Variants in THBS3 observed in about 807,000 individuals in gnomAD.
THBS3 encodes the protein thrombospondin-3.
A neutral mutation model predicts 118.3 loss-of-function variants in THBS3; 78 were observed. That is an observed-to-expected ratio of 0.66 (90% CI 0.55 to 0.80). THBS3 has a LOEUF of 0.80. Ranked by LOEUF, THBS3 falls within the 30% of genes least tolerant of loss-of-function variation. The pLI is 0.00. For synonymous variants in THBS3, 427 were observed against 475.3 expected (o/e 0.90, Z 1.32); for missense variants, 1,057 against 1,247.4 (o/e 0.85, Z 2.30).
At chr1:155,200,325 A>T in intron 14 of THBS3, 126 bp downstream of exon 14, 1 of 1,288,694 alleles carries the variant, frequency 7.8e-7, no homozygotes, top group Non-Finnish European at 1.1e-6. Context: ...ATCTCTCCTC[A>T]CCCAGGCCAA....
At position 155,200,630 on chromosome 1, in the gene THBS3, G is replaced by C; in HGVS notation, c.1549-20C>G. On this transcript the variant is annotated intron_variant, in intron 13 of 22. Transcript: ENST00000368378. The stretch of plus-strand genomic sequence containing the variant: ...GTTGTCCTGGGCAGAGGGGTGGGAG[G>C]GGAAGGGTCAGGTCTCCCCTAAATC... The C allele has an allele frequency of 6.2e-7, 1 of 1,612,572 alleles. No homozygotes were observed. Among genetic ancestry groups the C allele is most frequent in the South Asian group, 1.1e-5 (1 of 90,916 alleles).
intron 16 of THBS3, 96 bp downstream of exon 16, chr1:155,199,708 T>C: frequency 7.4e-7 from 1 of 1,350,924 alleles, no homozygotes; most frequent in Non-Finnish European, 1.0e-6. Context: ...TGAGCCAAGA[T>C]CGTGCCACTG....
rs543072269 is a variant in THBS3 at position 155,205,475 on chromosome 1, T to C, written c.287-159A>G. ...TTGTATTTAATAGGTACACAATAAA[T>C]GTTTTTGAAATTGCTTTAGAGGCCA... On this transcript the variant is annotated intron_variant, in intron 2 of 22. Coordinates refer to ENST00000368378, the MANE Select transcript of THBS3 (RefSeq NM_007112.5). 3.8e-5 allele frequency: 41 copies of C among 1,078,562 alleles called. No individual in the cohort carries two copies. The East Asian group carries it at 8.4e-4, about 22-fold the overall frequency. The allele number at this position is 1,078,562 out of a possible 1,614,324, so 66.8% of individuals were successfully genotyped here.
chr1:155,202,726 G>T lies in THBS3; in HGVS notation c.957+86C>A. 6.6e-7 allele frequency: 1 copy of T among 1,517,328 alleles called. No homozygotes were observed. The highest frequency in any genetic ancestry group is 1.3e-5 in the South Asian group (1 of 76,788). The allele number at this position is 1,517,328 out of a possible 1,614,324, so 94.0% of individuals were successfully genotyped here. A position where few individuals can be genotyped will look rare whatever the true frequency, so the allele number is the denominator to read the frequency against. ...CTAAACTCCAGATTCCTCTCCTCCG[G>T]ACCAGCATTTATCCCACCCTCTTGG... On this transcript the variant is annotated intron_variant, in intron 8 of 22. Transcript: ENST00000368378. The surrounding 1 kb of genome is among the most constrained non-coding windows in gnomAD (Gnocchi z 5.5).
Position 155,199,013 on chromosome 1 carries a change from G to A in THBS3, c.1881-411C>T, listed in dbSNP as rs778958545. 4.6e-5 allele frequency among the ~76,000 whole-genome samples: 7 copies of A among 152,052 alleles called. No homozygotes were observed. The South Asian group carries it at 6.2e-4, about 13-fold the overall frequency. On this transcript the variant is annotated intron_variant, in intron 16 of 22. Transcript: ENST00000368378. Reference sequence around the variant, plus strand: ...CACGCGCCTGTAATCCCAGCTACTCGGGAGGCTGAGGCAGGAAAATCGCTT... The same window carrying A: ...CACGCGCCTGTAATCCCAGCTACTCAGGAGGCTGAGGCAGGAAAATCGCTT...
chr1:155,206,121 G>A lies in THBS3; in HGVS notation c.286+79C>T, dbSNP rs1379255223. 2.6e-6 allele frequency: 4 copies of A among 1,530,276 alleles called. No individual in the cohort carries two copies. The East Asian group carries it at 9.0e-5, about 35-fold the overall frequency. The allele number at this position is 1,530,276 out of a possible 1,614,324, so 94.8% of individuals were successfully genotyped here. On this transcript the variant is annotated intron_variant, in intron 2 of 22. Coordinates refer to ENST00000368378, the MANE Select transcript of THBS3 (RefSeq NM_007112.5). The surrounding 1 kb of genome is among the most constrained non-coding windows in gnomAD (Gnocchi z 4.2). Reference sequence around the variant, plus strand: ...CCCTAGTGGAGGCCAAGGAGAATGAGGAAGCACTTGGGAAGTAGGGATGAG... The same window carrying A: ...CCCTAGTGGAGGCCAAGGAGAATGAAGAAGCACTTGGGAAGTAGGGATGAG...
Position 155,198,115 on chromosome 1 carries a change from C to T in THBS3, c.2180G>A (p.Arg727Gln), listed in dbSNP as rs952915991. ...ATCCAGGACGACGGTCTGATAGGCC[C>T]GAAAATCCGTAAGCGTTACCTCTGC... ...ESAEVTLTDF[R>Q]AYQTVVLDPE... is the part of the protein sequence containing the mutation. The change falls in exon 18 of 23, where the codon CGG (arginine) becomes CAG (glutamine). Residue 727 changes from arginine (R) to glutamine (Q), a missense_variant. Around this residue, in one of 3 missense-constraint regions of THBS3, gnomAD observed 307 missense variants for 326.1 expected, o/e 0.94. Transcript: ENST00000368378. 1.2e-5 allele frequency: 20 copies of T among 1,613,974 alleles called. No individual in the cohort carries two copies. The highest frequency in any genetic ancestry group is 3.3e-5 in the Admixed American group (2 of 60,002).
Position 155,197,508 on chromosome 1 carries a change from C to T in THBS3, c.2454G>A (p.Gln818=), listed in dbSNP as rs1668875287. The T allele has an allele frequency of 1.2e-6, 2 of 1,613,946 alleles. No homozygotes were observed. Among genetic ancestry groups the T allele is most frequent in the Non-Finnish European group, 8.5e-7 (1 of 1,180,018 alleles). ...MWKQTEQTYW[Q]ATPFRAVAQP... is the part of the protein sequence containing the mutation. ...GGGCAACCGCCCGGAAGGGTGTAGCCTGCCAGTAGGTCTGCTCGGTCTGCT... is the reference window on the plus strand; with the variant it reads ...GGGCAACCGCCCGGAAGGGTGTAGCTTGCCAGTAGGTCTGCTCGGTCTGCT... Residue 818 remains glutamine, a synonymous_variant, in exon 20 of 23, where the codon CAG becomes CAA. Coordinates refer to ENST00000368378, the MANE Select transcript of THBS3 (RefSeq NM_007112.5). This position sits in a 1 kb window ranked among gnomAD's most constrained non-coding sequence, Gnocchi z 5.0.
At chr1:155,205,549 G>T in intron 2 of THBS3, 1 of 542,090 alleles carries the variant, frequency 1.8e-6, no homozygotes, top group Non-Finnish European at 3.2e-6. Context: ...AGGCCAAGGT[G>T]GGCAGATCAC....
At position 155,202,965 on chromosome 1, in the gene THBS3, G is replaced by T. The variant is rs1458372057; in HGVS notation, c.809-5C>A. ...GGGAACGCTGCTCATGGAAGCCTGA[G>T]GGGTGGACACAGTCAGAGCTACCCG... is the stretch of plus-strand genomic sequence containing the variant. On this transcript the variant is annotated splice_region_variant and splice_polypyrimidine_tract_variant and intron_variant, in intron 7 of 22. Coordinates refer to ENST00000368378, the MANE Select transcript of THBS3 (RefSeq NM_007112.5). The surrounding 1 kb of genome is among the most constrained non-coding windows in gnomAD (Gnocchi z 5.5). 3.7e-6 allele frequency: 6 copies of T among 1,613,802 alleles called. No homozygotes were observed. Among genetic ancestry groups the T allele is most frequent in the Non-Finnish European group, 8.5e-7 (1 of 1,179,964 alleles).
chr1:155,197,527 G>A lies in THBS3; in HGVS notation c.2435C>T (p.Thr812Ile), dbSNP rs756543241. The change falls in exon 20 of 23, where the codon ACC becomes ATC. Residue 812 changes from threonine to isoleucine, a missense_variant. Transcript: ENST00000368378. The surrounding 1 kb of genome is among the most constrained non-coding windows in gnomAD (Gnocchi z 5.0). Reference protein sequence around the residue: ...GRFYVVMWKQTEQTYWQATPF... With the variant: ...GRFYVVMWKQIEQTYWQATPF... ...TGTAGCCTGCCAGTAGGTCTGCTCG[G>A]TCTGCTTCCACATGACTACGTAGAA... is the stretch of plus-strand genomic sequence containing the variant. The A allele has an allele frequency of 8.7e-6, 14 of 1,614,112 alleles. No homozygotes were observed. Among genetic ancestry groups the A allele is most frequent in the South Asian group, 1.1e-5 (1 of 91,076 alleles).
At chr1:155,201,737 T>G in intron 10 of THBS3, 168 bp from the exon 11 acceptor site, 1 of 985,226 alleles carries the variant, frequency 1.0e-6, no homozygotes. Context: ...ACAGCCTCAG[T>G]TTTCAGATGA....
In THBS3 at chr1:155,197,342, G is replaced by A. The variant is rs1440147961; in HGVS notation, c.2499+121C>T. 19 of 1,520,250 alleles carry A rather than the reference G, an allele frequency of 1.2e-5. No homozygotes were observed. The highest frequency in any genetic ancestry group is 2.1e-4 in the Middle Eastern group (1 of 4,852). 94.2% of individuals were successfully genotyped at this position (1,520,250 alleles called of 1,614,324 possible). A position where few individuals can be genotyped will look rare whatever the true frequency, so the allele number is the denominator to read the frequency against. On this transcript the variant is annotated intron_variant, in intron 20 of 22. Coordinates refer to ENST00000368378, the MANE Select transcript of THBS3 (RefSeq NM_007112.5). This position sits in a 1 kb window ranked among gnomAD's most constrained non-coding sequence, Gnocchi z 5.0. ...AAATGCCCTGGGGCCCCAGAGAGCCGGCCTCCAAGCCAGATGTCTGGGTAA... is the reference window on the plus strand; with the variant it reads ...AAATGCCCTGGGGCCCCAGAGAGCCAGCCTCCAAGCCAGATGTCTGGGTAA...
intron 16 of THBS3, among the ~76,000 whole-genome samples, chr1:155,199,528 C>T (rs372974675): frequency 6.6e-6 from 1 of 152,044 alleles, no homozygotes; most frequent in Non-Finnish European, 1.5e-5. Context: ...CAGAGGCTGG[C>T]GGATCACCTG....
chr1:155,206,059 C>T lies in THBS3; in HGVS notation c.286+141G>A. On this transcript the variant is annotated intron_variant, in intron 2 of 22. Coordinates refer to ENST00000368378, the MANE Select transcript of THBS3 (RefSeq NM_007112.5). This position sits in a 1 kb window ranked among gnomAD's most constrained non-coding sequence, Gnocchi z 4.2. ...CCTTATAAGCACCCCATACCAGGTGCCCCTGATGTCTGGGCACAGCCTGAT... is the reference window on the plus strand; with the variant it reads ...CCTTATAAGCACCCCATACCAGGTGTCCCTGATGTCTGGGCACAGCCTGAT... 1.1e-6 allele frequency: 1 copy of T among 915,560 alleles called. No individual in the cohort carries two copies. Among genetic ancestry groups the T allele is most frequent in the Admixed American group, 2.3e-5 (1 of 43,016 alleles). 56.7% of individuals were successfully genotyped at this position (915,560 alleles called of 1,614,324 possible).
In THBS3 at chr1:155,198,455, G is replaced by A. The variant is rs376397992; in HGVS notation, c.2028C>T (p.Pro676=). ...DGIPDYVPPG[P]DNCRLVPNPN... ...GATTGGGTACCAGGCGGCAGTTATC[G>A]GGACCAGGAGGCACATAATCTGGGA... Residue 676 remains proline, a synonymous_variant, in exon 17 of 23, where the codon CCC becomes CCT. Coordinates refer to ENST00000368378, the MANE Select transcript of THBS3 (RefSeq NM_007112.5). The A allele has an allele frequency of 2.9e-5, 47 of 1,614,012 alleles. No individual in the cohort carries two copies. The highest frequency in any genetic ancestry group is 8.8e-5 in the South Asian group (8 of 91,086).
intron 16 of THBS3, among the ~76,000 whole-genome samples, chr1:155,198,891 G>A (rs561434794): frequency 1.3e-5 from 2 of 151,592 alleles, no homozygotes; most frequent in South Asian, 2.1e-4. Flanking sequence ...AGGCCAAGGC[G>A]GGCAGATCAC....
In THBS3 at chr1:155,202,298, G is replaced by T. The variant is rs1162481777; in HGVS notation, c.1061C>A (p.Ser354Tyr). 1 of 1,613,980 alleles carries T rather than the reference G, an allele frequency of 6.2e-7. No homozygotes were observed. Among genetic ancestry groups the T allele is most frequent in the Non-Finnish European group, 8.5e-7 (1 of 1,180,034 alleles). Residue 354 changes from serine to tyrosine, a missense_variant, in exon 9 of 23, where the codon TCT (serine) becomes TAT (tyrosine). Physicochemically the swap from Ser to Tyr is moderately radical, Grantham distance 144 (BLOSUM62 -2). Transcript: ENST00000368378. The surrounding 1 kb of genome is among the most constrained non-coding windows in gnomAD (Gnocchi z 5.5). ...CPRGYKGTQV[S>Y]GVGIDYARAS... ...CCGGGCATAGTCAATGCCCACACCA[G>T]ACACCTGTGTGCCCTTGTACCCTCG...
At chr1:155,208,532 C>G (rs1670867531), upstream of THBS3, among the ~76,000 whole-genome samples, 1 of 152,164 alleles carries the variant, frequency 6.6e-6, no homozygotes, top group South Asian at 2.1e-4. Flanking sequence ...GAAAGGGACA[C>G]CAGGGACAGG....
Sources: allele counts gnomAD v4.1 joint callset (sites outside exome capture counted in the v4.1 genomes callset), GRCh38; gene constraint gnomAD v4.1.1; regional missense constraint gnomAD v4.1.1; non-coding constraint Gnocchi (gnomAD v3.1); transcripts MANE v1.5; gene names NCBI Gene and HGNC (gene_info 2026-07-23, HGNC 2026-07-21).